CENPE: variants seen among roughly 807,000 people sequenced by gnomAD.
CENPE encodes the protein centromere protein E.
CENPE carries 145 observed loss-of-function variants against 336.1 expected under a neutral mutation model. The ratio of observed to expected loss-of-function variants is 0.43; its 90% CI spans 0.38 to 0.50. CENPE has a LOEUF of 0.50. CENPE is among the 20% of genes least tolerant of loss of function. The pLI is 0.00. For missense variants in CENPE, 2,719 were observed against 3,023.3 expected (o/e 0.90, Z 2.36); for synonymous variants, 1,013 against 984.8 (o/e 1.03, Z -0.54).
At chr4:103,113,189 CTTAT>C (rs1749720332) in intron 46 of CENPE, among the ~76,000 whole-genome samples, 1 of 91,976 alleles carries the variant, frequency 1.1e-5, no homozygotes, top group African/African-American at 3.9e-5. Context: ...TGTATATATA[CTTAT>C]AAGTATATAA....
intron 35 of CENPE, 91 bp from the exon 36 acceptor site, chr4:103,141,195 T>C (rs933786257): frequency 6.2e-5 from 46 of 747,344 alleles, no homozygotes; most frequent in Middle Eastern, 7.7e-4. Flanking sequence ...TGTCTACCCA[T>C]GTTACTCTCA....
intron 45 of CENPE, among the ~76,000 whole-genome samples, chr4:103,115,432 C>A (rs111928371): frequency 3.1e-4 from 47 of 151,752 alleles, no homozygotes; most frequent in African/African-American, 1.1e-3. Context: ...CCGTGCCCGG[C>A]CCTGCTGACC....
At chr4:103,176,359 C>T (rs1755861653) in intron 14 of CENPE, among the ~76,000 whole-genome samples, 1 of 152,120 alleles carries the variant, frequency 6.6e-6, no homozygotes, top group African/African-American at 2.4e-5. Context: ...CCCCAACAGA[C>T]TGTACTATTG....
intron 24 of CENPE, among the ~76,000 whole-genome samples, chr4:103,153,788 T>C (rs1753751139): frequency 6.6e-6 from 1 of 152,154 alleles, no homozygotes; most frequent in South Asian, 2.1e-4. Context: ...TCCTAAAAGC[T>C]GGGAATCATT....
chr4:103,151,448 G>T, intron 25 of CENPE, 71 bp from the exon 26 acceptor site: 2 of 1,146,946 alleles, frequency 1.7e-6, no homozygotes, highest in Non-Finnish European at 1.2e-6. Context: ...TAAAACATCA[G>T]CATTTCTCTC....
intron 15 of CENPE, 72 bp downstream of exon 15, chr4:103,175,888 T>C: frequency 1.1e-6 from 1 of 922,646 alleles, no homozygotes. Flanking sequence ...TGAGAACAAG[T>C]AACAAAACCT....
chr4:103,152,483 CAT>C (rs918205008), intron 25 of CENPE, among the ~76,000 whole-genome samples: 1 of 152,166 alleles, frequency 6.6e-6, no homozygotes, highest in Non-Finnish European at 1.5e-5. Context: ...TCAAGTTAAA[CAT>C]ATTCTTCCCT....
At chr4:103,147,236 T>G (rs1231191300) in intron 29 of CENPE, 120 bp downstream of exon 29, 1 of 821,248 alleles carries the variant, frequency 1.2e-6, no homozygotes, top group Admixed American at 2.7e-5. Context: ...ATTTCATGAT[T>G]AAGAGACATT....
intron 16 of CENPE, among the ~76,000 whole-genome samples, chr4:103,167,447 C>G (rs1452273220): frequency 6.6e-6 from 1 of 151,972 alleles, no homozygotes; most frequent in Non-Finnish European, 1.5e-5. Flanking sequence ...GAAAATATTT[C>G]TTAAATTTTC....
intron 18 of CENPE, among the ~76,000 whole-genome samples, chr4:103,162,918 A>C (rs1294760708): frequency 6.6e-6 from 1 of 152,130 alleles, no homozygotes; most frequent in African/African-American, 2.4e-5. Flanking sequence ...TACTCAAAGG[A>C]TGACATGATC....
chr4:103,184,632 C>T (rs1322436841), intron 9 of CENPE, among the ~76,000 whole-genome samples: 3 of 151,986 alleles, frequency 2.0e-5, no homozygotes, highest in Admixed American at 6.6e-5. Flanking sequence ...TTATTGTATT[C>T]TAACTTCTGT....
At chr4:103,185,493 T>C (rs1389584650) in intron 9 of CENPE, among the ~76,000 whole-genome samples, 6 of 152,072 alleles carry the variant, frequency 3.9e-5, no homozygotes, top group African/African-American at 1.4e-4. Context: ...TTGTACCACA[T>C]TATCTTTCTT....
At chr4:103,114,792 C>A (rs1277373189) in intron 45 of CENPE, among the ~76,000 whole-genome samples, 1 of 152,192 alleles carries the variant, frequency 6.6e-6, no homozygotes, top group Non-Finnish European at 1.5e-5. Context: ...TGAGAAACCC[C>A]AGTTCTTTTA....
rs563083964 is a variant in CENPE at position 103,195,098 on chromosome 4, T to C, written c.477+16A>G. On this transcript the variant is annotated intron_variant, in intron 5 of 48. Transcript: ENST00000265148. ...AAGTCAGTCAATTTTAAAGCTCCCT[T>C]AAGTCTGCTACTCACATTGACATCT... is the stretch of plus-strand genomic sequence containing the variant. The C allele has an allele frequency of 6.4e-7, 1 of 1,564,740 alleles. No homozygotes were observed. Among genetic ancestry groups the C allele is most frequent in the Non-Finnish European group, 8.6e-7 (1 of 1,166,178 alleles).
At position 103,153,236 on chromosome 4, in the gene CENPE, A is replaced by G. The variant is rs778529197; in HGVS notation, c.3048T>C (p.Asp1016=). The stretch of plus-strand genomic sequence containing the variant: ...TTTTAGCTTCCAAATCCTGTTTTTT[A>G]TCTATGCCAACCATCTAAAACATAA... The part of the protein sequence containing the change: ...DEFQQKMVGI[D]KKQDLEAKNT... The change falls in exon 25 of 49, where the codon GAT becomes GAC. Residue 1016 remains aspartate (D), a synonymous_variant. Coordinates refer to ENST00000265148, the MANE Select transcript of CENPE (RefSeq NM_001813.3). 1 of 1,609,744 alleles carries G rather than the reference A, an allele frequency of 6.2e-7. No individual in the cohort carries two copies. The highest frequency in any genetic ancestry group is 8.5e-7 in the Non-Finnish European group (1 of 1,177,650).
intron 8 of CENPE, among the ~76,000 whole-genome samples, chr4:103,191,741 A>G (rs182952270): frequency 6.6e-6 from 1 of 152,130 alleles, no homozygotes; most frequent in Admixed American, 6.6e-5. Context: ...ACATGTATAC[A>G]TATGTAACAA....
chr4:103,174,894 C>G lies in CENPE; in HGVS notation c.1489G>C (p.Glu497Gln). The change falls in exon 16 of 49, where the codon GAA (glutamate) becomes CAA (glutamine). Residue 497 changes from glutamate to glutamine, a missense_variant. Coordinates refer to ENST00000265148, the MANE Select transcript of CENPE (RefSeq NM_001813.3). The part of the protein sequence containing the change: ...ATKLLNQENI[E>Q]SELNSLRADY... ...GCACGAAGTGAGTTCAACTCACTTTCTATATTCTCCTATTATAAACAAGAA... is the reference window on the plus strand; with the variant it reads ...GCACGAAGTGAGTTCAACTCACTTTGTATATTCTCCTATTATAAACAAGAA... 6.9e-7 allele frequency: 1 copy of G among 1,452,394 alleles called. No individual in the cohort carries two copies. The highest frequency in any genetic ancestry group is 1.5e-5 in the African/African-American group (1 of 67,182). 90.0% of individuals were successfully genotyped at this position (1,452,394 alleles called of 1,614,324 possible).
intron 38 of CENPE, 55 bp from the exon 39 acceptor site, chr4:103,138,504 T>C: frequency 9.1e-7 from 1 of 1,095,680 alleles, no homozygotes; most frequent in Non-Finnish European, 1.4e-6. Flanking sequence ...TATTCACATA[T>C]AATGTCTAAT....
At chr4:103,131,031 G>A (rs1329026437) in intron 42 of CENPE, among the ~76,000 whole-genome samples, 1 of 152,034 alleles carries the variant, frequency 6.6e-6, no homozygotes, top group African/African-American at 2.4e-5. Context: ...ATGATCTTGG[G>A]TTTGGTGATA....
Sources: gnomAD v4.1 joint callset for allele counts (sites outside exome capture counted in the v4.1 genomes callset) on GRCh38, gnomAD v4.1.1 for gene constraint, MANE v1.5 for transcripts, NCBI Gene and HGNC (gene_info 2026-07-23, HGNC 2026-07-21) for gene names.